The following MAP2K2 variants were observed in gnomAD, a reference collection of about 807,000 sequenced individuals.
MAP2K2 encodes dual specificity mitogen-activated protein kinase kinase 2.
MAP2K2 carries 24 observed loss-of-function variants against 43.7 expected under a neutral mutation model. The observed-to-expected ratio is 0.55, with a 90% CI of 0.40 to 0.77. The LOEUF is 0.77. Among genes scored for constraint, MAP2K2 ranks in the 30% least tolerant of loss-of-function variants. The pLI is 0.00. For synonymous variants in MAP2K2, 244 were observed against 239.7 expected, an observed-to-expected ratio of 1.02 and a Z score of -0.17; for missense variants, 470 against 566.8, an observed-to-expected ratio of 0.83 and a Z score of 1.73.
At chr19:4,114,332 G>A (rs1029652003) in intron 2 of MAP2K2, among the ~76,000 whole-genome samples, 2 of 152,158 alleles carry the variant, frequency 1.3e-5, no homozygotes, top group African/African-American at 4.8e-5. Context: ...ATGAGAACAC[G>A]CGTCAAAGGT....
At chr19:4,108,923 G>GC (rs2041122146) in intron 3 of MAP2K2, among the ~76,000 whole-genome samples, 1 of 152,178 alleles carries the variant, frequency 6.6e-6, no homozygotes, top group Non-Finnish European at 1.5e-5. Context: ...TCCTTTCCTC[G>GC]CCCTTTGATG....
chr19:4,110,736 C>A (rs1599300685), intron 2 of MAP2K2, 81 bp from the exon 3 acceptor site: 13 of 1,507,666 alleles, frequency 8.6e-6, no homozygotes, highest in Non-Finnish European at 1.2e-5. Flanking sequence ...GCTCTGCAGG[C>A]GTTCCCAACA....
At chr19:4,100,764 T>G in intron 6 of MAP2K2, 8 of 554,336 alleles carry the variant, frequency 1.4e-5, no homozygotes, top group African/African-American at 1.9e-5. Context: ...GGAGAGCTGA[T>G]GAAGGGGAGG....
At chr19:4,102,816 C>T (rs549729328) in intron 3 of MAP2K2, 24 of 1,222,742 alleles carry the variant, frequency 2.0e-5, no homozygotes, top group African/African-American at 1.4e-4. Flanking sequence ...CTGCAGCCTA[C>T]GTGGTGGGCT....
intron 6 of MAP2K2, chr19:4,099,908 T>G: frequency 5.1e-6 from 1 of 196,522 alleles, no homozygotes; most frequent in Non-Finnish European, 1.1e-5. Context: ...AAGACTAGGC[T>G]AGCCAATATG....
Position 4,117,448 on chromosome 19 carries a change from T to C in MAP2K2, c.274A>G (p.Arg92Gly), listed in dbSNP as rs759061964. ...NGGVVTKVQH[R>G]PSGLIMARKL... ...CTGGCCATGATGAGGCCCGAGGGTC[T>C]GTGCTGGACTTTGGTGACCACCCCG... Residue 92 changes from arginine to glycine, a missense_variant, in exon 2 of 11, where the codon AGA (arginine) becomes GGA (glycine). Physicochemically the swap from Arg to Gly is moderately radical, Grantham distance 125. This residue lies in a region of MAP2K2 where 200 missense variants were observed against 297.9 expected (regional missense o/e 0.67). Transcript: ENST00000262948. 2.6e-5 allele frequency: 42 copies of C among 1,613,872 alleles called. No individual in the cohort carries two copies. Among genetic ancestry groups the C allele is most frequent in the Admixed American group, 2.3e-4 (14 of 60,016 alleles).
chr19:4,123,730 G>T, intron 1 of MAP2K2, 54 bp downstream of exon 1: 2 of 1,161,406 alleles, frequency 1.7e-6, no homozygotes. Flanking sequence ...GTCCTTCCCC[G>T]AGGGCTCCCT....
At chr19:4,107,443 GA>G (rs895420585) in intron 3 of MAP2K2, among the ~76,000 whole-genome samples, 18 of 145,386 alleles carry the variant, frequency 1.2e-4, no homozygotes, top group Admixed American at 3.5e-4. Flanking sequence ...AGAATGGCGT[GA>G]ACCTGGGAGG....
chr19:4,097,194 G>A (rs2040930011), intron 8 of MAP2K2, 85 bp downstream of exon 8: 5 of 965,576 alleles, frequency 5.2e-6, no homozygotes, highest in East Asian at 2.9e-5. Context: ...TGGTCAGAGA[G>A]AGACTCTGCC....
At position 4,101,798 on chromosome 19, in the gene MAP2K2, G is replaced by A. The variant is rs1035688371; in HGVS notation, c.529-518C>T. ...ACGGCAGCTTTCAACTCGGAAACGCGTGTCTGGCAGCATGCGTCCTGTGTC... is the reference window on the plus strand; with the variant it reads ...ACGGCAGCTTTCAACTCGGAAACGCATGTCTGGCAGCATGCGTCCTGTGTC... On this transcript the variant is annotated intron_variant, in intron 4 of 10. Transcript: ENST00000262948. The surrounding 1 kb of genome is among the most constrained non-coding windows in gnomAD (Gnocchi z 6.3). 2.0e-5 allele frequency among the ~76,000 whole-genome samples: 3 copies of A among 152,176 alleles called. No individual in the cohort carries two copies. The highest frequency in any genetic ancestry group is 7.2e-5 in the African/African-American group (3 of 41,446).
At chr19:4,123,690 A>C (rs1599313042) in intron 1 of MAP2K2, 94 bp downstream of exon 1, 1 of 522,498 alleles carries the variant, frequency 1.9e-6, no homozygotes, top group East Asian at 1.6e-4. Flanking sequence ...TGCCTCGTGC[A>C]CTCCTCGCGA....
intron 1 of MAP2K2, among the ~76,000 whole-genome samples, 187 bp from the exon 2 acceptor site, chr19:4,117,816 A>G (rs753282549): frequency 2.6e-4 from 39 of 152,208 alleles, no homozygotes; most frequent in Admixed American, 5.2e-4. Flanking sequence ...ACCAGAATCC[A>G]GGGCGGCTCC....
chr19:4,110,764 A>C, intron 2 of MAP2K2, 109 bp from the exon 3 acceptor site: 1 of 1,205,636 alleles, frequency 8.3e-7, no homozygotes. Flanking sequence ...AGACCAACTC[A>C]GTACCCCCTC....
In MAP2K2 at chr19:4,115,783, G is replaced by A. The variant is rs1348181977; in HGVS notation, c.303+1636C>T. ...GACTAGGTGCAGTCACGTTCCCCCAGTTTGGGGAACTACAGGATGGTGGGC... is the reference window on the plus strand; with the variant it reads ...GACTAGGTGCAGTCACGTTCCCCCAATTTGGGGAACTACAGGATGGTGGGC... On this transcript the variant is annotated intron_variant, in intron 2 of 10. Coordinates refer to ENST00000262948, the MANE Select transcript of MAP2K2 (RefSeq NM_030662.4). The surrounding 1 kb of genome is among the most constrained non-coding windows in gnomAD (Gnocchi z 4.1). 2.0e-5 allele frequency among the ~76,000 whole-genome samples: 3 copies of A among 152,212 alleles called. No homozygotes were observed. Among genetic ancestry groups the A allele is most frequent in the Admixed American group, 6.5e-5 (1 of 15,284 alleles).
intron 2 of MAP2K2, among the ~76,000 whole-genome samples, chr19:4,110,879 A>T (rs1327015620): frequency 6.6e-6 from 1 of 152,140 alleles, no homozygotes; most frequent in Non-Finnish European, 1.5e-5. Context: ...GCAAGGGTGG[A>T]AAGAACCCAG....
chr19:4,104,312 T>G (rs1471751078), intron 3 of MAP2K2, among the ~76,000 whole-genome samples: 3 of 138,514 alleles, frequency 2.2e-5, no homozygotes, highest in African/African-American at 8.1e-5. Context: ...ACACCTATAA[T>G]CCTACCACTT....
chr19:4,100,654 A>G (rs2040992914), intron 6 of MAP2K2: 3 of 303,322 alleles, frequency 9.9e-6, no homozygotes, highest in South Asian at 3.5e-5. Flanking sequence ...CGTGTCTACA[A>G]AAGATTAGTA....
chr19:4,117,653 G>A lies in MAP2K2; in HGVS notation c.93-24C>T, dbSNP rs981709537. The A allele has an allele frequency of 4.4e-6, 7 of 1,607,826 alleles. No homozygotes were observed. The African/African-American group carries it at 5.3e-5, about 12-fold the overall frequency. On this transcript the variant is annotated intron_variant, in intron 1 of 10. Transcript: ENST00000262948. ...CCCTGCAGAGACCCCCCAGGGTAGG[G>A]GTTAGCTACCTAGGGAGACTCCATC...
chr19:4,100,746 G>T, intron 6 of MAP2K2: 1 of 550,290 alleles, frequency 1.8e-6, no homozygotes, highest in Non-Finnish European at 3.3e-6. Flanking sequence ...GTGCCTTGTG[G>T]CAAGTGGGGA....
Sources: allele counts gnomAD v4.1 joint callset (sites outside exome capture counted in the v4.1 genomes callset), GRCh38; gene constraint gnomAD v4.1.1; regional missense constraint gnomAD v4.1.1; non-coding constraint Gnocchi (gnomAD v3.1); transcripts MANE v1.5; gene names NCBI Gene and HGNC (gene_info 2026-07-23, HGNC 2026-07-21).